Variants in CDC42BPG observed in about 807,000 individuals in gnomAD.
CDC42BPG encodes the protein CDC42 binding protein kinase gamma.
In CDC42BPG, 157 loss-of-function variants were observed where a neutral mutation model predicts 192.2. That is an observed-to-expected ratio of 0.82 (90% CI 0.72 to 0.93). The LOEUF is 0.93. Among genes scored for constraint, CDC42BPG ranks in the 40% least tolerant of loss-of-function variants. The pLI is 0.00. For missense variants in CDC42BPG, 1,992 were observed against 2,122.1 expected (o/e 0.94, Z 1.20); for synonymous variants, 981 against 918.5 (o/e 1.07, Z -1.23).
rs1943209052 is a variant in CDC42BPG, at chr11:64,840,063, TGGCAGGGGTTGGGCAGGGCAGCGGGGTTG to T, written c.581+28_581+56del. On this transcript the variant is annotated intron_variant, in intron 5 of 36. Coordinates refer to ENST00000342711, the MANE Select transcript of CDC42BPG (RefSeq NM_017525.3). ...TGACATCAGCTGTCCCCAGCACAGC[TGGCAGGGGTTGGGCAGGGCAGCGGGGTTG>T]GGCAGGGCAGCGGGGTTGGGGCCCC... The T allele has an allele frequency of 3.9e-6, 6 of 1,531,950 alleles. No homozygotes were observed. In the East Asian group the frequency reaches 1.2e-4, roughly 30 times the overall value. 94.9% of individuals were successfully genotyped at this position (1,531,950 alleles called of 1,614,324 possible).
In CDC42BPG at chr11:64,833,627, T is replaced by C. The variant is rs55709937; in HGVS notation, c.2598A>G (p.Thr866=). ...TAGCAGGAAGACCTTCTGTAGAGGC[T>C]GTGTTGGCAGTGGGTGCTCTGGGGA... ...AVFPRAPTAN[T]ASTEGLPAKP... Residue 866 remains threonine (T), a synonymous_variant, in exon 23 of 37, where the codon ACA becomes ACG. Transcript: ENST00000342711. 10,312 of 1,612,058 alleles carry C rather than the reference T, an allele frequency of 6.4e-3. 292 individuals carry two copies. Among genetic ancestry groups the C allele is most frequent in the South Asian group, 0.057 (5,131 of 90,726 alleles).
chr11:64,838,112 T>C lies in CDC42BPG; in HGVS notation c.1176A>G (p.Pro392=), dbSNP rs139529796. The change falls in exon 9 of 37, where the codon CCA becomes CCG. Residue 392 remains proline (P), a synonymous_variant. Coordinates refer to ENST00000342711, the MANE Select transcript of CDC42BPG (RefSeq NM_017525.3). ...SHGAFSGHHL[P]FVGFTYTSGS... ...CTGAGGTGTAGGTGAAGCCCACGAA[T>C]GGCAGGTGATGGCCGGAGAAGGCCC... 620 of 1,552,914 alleles carry C rather than the reference T, an allele frequency of 4.0e-4. No individual in the cohort carries two copies. The highest frequency in any genetic ancestry group is 5.2e-4 in the Non-Finnish European group (597 of 1,148,600).
chr11:64,843,757 CG>C (rs1017280499), intron 1 of CDC42BPG, among the ~76,000 whole-genome samples: 1 of 152,250 alleles, frequency 6.6e-6, no homozygotes, highest in Non-Finnish European at 1.5e-5. Context: ...CCCCCCTCCC[CG>C]GCCCCGGCGC....
Position 64,836,566 on chromosome 11 carries a change from C to T in CDC42BPG, c.1385-36G>A, listed in dbSNP as rs777961184. 4.8e-5 allele frequency: 75 copies of T among 1,572,502 alleles called. 1 individual carries two copies. In the Admixed American group the frequency reaches 1.1e-3, roughly 23 times the overall value. On this transcript the variant is annotated intron_variant, in intron 11 of 36. Transcript: ENST00000342711. ...GAGTCACTGAGACCTCGAGTGCTGG[C>T]GGCCCCAGCCTCTCAGCCCAGGAGC...
rs779660482 is a variant in CDC42BPG, at chr11:64,840,133, C to G, written c.568G>C (p.Gly190Arg). 1.2e-6 allele frequency: 2 copies of G among 1,612,386 alleles called. No homozygotes were observed. Among genetic ancestry groups the G allele is most frequent in the South Asian group, 2.2e-5 (2 of 91,006 alleles). The change falls in exon 5 of 37, where the codon GGT becomes CGT. Residue 190 changes from glycine to arginine, a missense_variant. Physicochemically the swap from Gly to Arg is moderately radical, Grantham distance 125. Around this residue, in one of 2 missense-constraint regions of CDC42BPG, gnomAD observed 1,656 missense variants for 1,844.3 expected, o/e 0.90. Coordinates refer to ENST00000342711, the MANE Select transcript of CDC42BPG (RefSeq NM_017525.3). ...VLAIHSLHQL[G>R]YVHRDVKPDN... ...TTGGGGCCCCACCTGTGGACATAACCCAGCTGGTGCAGCGAGTGGATGGCC... is the reference window on the plus strand; with the variant it reads ...TTGGGGCCCCACCTGTGGACATAACGCAGCTGGTGCAGCGAGTGGATGGCC...
rs992994849 is a variant in CDC42BPG at position 64,823,211 on chromosome 11, C to G, written c.*1262G>C. 6.6e-6 allele frequency among the ~76,000 whole-genome samples: 1 copy of G among 151,904 alleles called. No individual in the cohort carries two copies. Among genetic ancestry groups the G allele is most frequent in the Non-Finnish European group, 1.5e-5 (1 of 67,954 alleles). On this transcript the variant is annotated 3_prime_UTR_variant, in exon 37 of 37. Transcript: ENST00000342711. Reference sequence around the variant, plus strand: ...ACGCCATTCTCCTGCCTCAGCCTCCCGAGTAGCAGGGACTACAGGCACCCG... The same window carrying G: ...ACGCCATTCTCCTGCCTCAGCCTCCGGAGTAGCAGGGACTACAGGCACCCG...
rs553643753 is a variant in CDC42BPG at position 64,829,640 on chromosome 11, A to G, written c.3798T>C (p.Pro1266=). ...APLALGAGLV[P]EELPPSRGGL... is the part of the protein sequence containing the mutation. ...CCCCGCGGGATGGTGGCAGCTCCTC[A>G]GGCACCAAACCGGCCCCCAGCGCCA... The change falls in exon 30 of 37, where the codon CCT becomes CCC. Residue 1266 remains proline (P), a synonymous_variant. Coordinates refer to ENST00000342711, the MANE Select transcript of CDC42BPG (RefSeq NM_017525.3). 3 of 1,611,440 alleles carry G rather than the reference A, an allele frequency of 1.9e-6. No individual in the cohort carries two copies. The South Asian group carries it at 3.3e-5, about 18-fold the overall frequency.
At chr11:64,836,047 TC>T in intron 13 of CDC42BPG, 69 bp downstream of exon 13, 1 of 1,474,754 alleles carries the variant, frequency 6.8e-7, no homozygotes, top group Non-Finnish European at 9.1e-7. Flanking sequence ...CCCACCAAGC[TC>T]CCCATGCTCC....
chr11:64,835,190 C>A (rs1368686967), intron 16 of CDC42BPG, 37 bp from the exon 17 acceptor site: 16 of 1,602,412 alleles, frequency 1.0e-5, no homozygotes, highest in Non-Finnish European at 1.3e-5. Context: ...CCCCAGGCCC[C>A]AGCAGTCCTG....
In CDC42BPG at chr11:64,835,663, C is replaced by T. The variant is rs371906121; in HGVS notation, c.1759-42G>A. On this transcript the variant is annotated intron_variant, in intron 14 of 36. Coordinates refer to ENST00000342711, the MANE Select transcript of CDC42BPG (RefSeq NM_017525.3). Reference sequence around the variant, plus strand: ...GGGTCAGGGCAGAGACCCAAGATGCCATGGCCCACCCACCTGGGACACAGG... The same window carrying T: ...GGGTCAGGGCAGAGACCCAAGATGCTATGGCCCACCCACCTGGGACACAGG... The T allele has an allele frequency of 4.1e-4, 651 of 1,583,546 alleles. 6 individuals are homozygous for T. Among genetic ancestry groups the T allele is most frequent in the South Asian group, 3.5e-3 (302 of 86,494 alleles).
intron 5 of CDC42BPG, 134 bp from the exon 6 acceptor site, chr11:64,839,705 T>A: frequency 3.0e-6 from 2 of 674,782 alleles, no homozygotes; most frequent in Non-Finnish European, 5.1e-6. Context: ...GGTGCTCATG[T>A]GATGAGCAAC....
chr11:64,826,776 G>C lies in CDC42BPG; in HGVS notation c.4408C>G (p.Arg1470Gly). ...DKSPAPEEKGRVARGSGPQRP... is the reference protein window; with the variant it reads ...DKSPAPEEKGGVARGSGPQRP... ...TGTGGGCCGGAGCCGCGGGCAACTC[G>C]GCCCTTCTCTTCGGGAGCCTGTTGG... Residue 1470 changes from arginine (R) to glycine (G), a missense_variant, in exon 35 of 37, where the codon CGA becomes GGA. Around this residue, in one of 2 missense-constraint regions of CDC42BPG, gnomAD observed 336 missense variants for 277.9 expected, o/e 1.21. Transcript: ENST00000342711. The C allele has an allele frequency of 1.3e-6, 2 of 1,513,108 alleles. No homozygotes were observed. The highest frequency in any genetic ancestry group is 2.3e-5 in the Admixed American group (1 of 43,530). 93.7% of individuals were successfully genotyped at this position (1,513,108 alleles called of 1,614,324 possible).
chr11:64,838,132 A>T lies in CDC42BPG; in HGVS notation c.1156T>A (p.Phe386Ile). Reference sequence around the variant, plus strand: ...ACGAATGGCAGGTGATGGCCGGAGAAGGCCCCGTGGGAGGGCGGTGGCAGG... The same window carrying T: ...ACGAATGGCAGGTGATGGCCGGAGATGGCCCCGTGGGAGGGCGGTGGCAGG... ...GTLPPPSHGA[F>I]SGHHLPFVGF... The change falls in exon 9 of 37, where the codon TTC (phenylalanine) becomes ATC (isoleucine). Residue 386 changes from phenylalanine (F) to isoleucine (I), a missense_variant. Coordinates refer to ENST00000342711, the MANE Select transcript of CDC42BPG (RefSeq NM_017525.3). The T allele has an allele frequency of 6.4e-7, 1 of 1,553,900 alleles. No homozygotes were observed. Among genetic ancestry groups the T allele is most frequent in the Non-Finnish European group, 8.7e-7 (1 of 1,149,180 alleles).
chr11:64,834,833 C>A lies in CDC42BPG; in HGVS notation c.2175+16G>T. On this transcript the variant is annotated intron_variant, in intron 18 of 36. Transcript: ENST00000342711. ...ACTTGCCCAAGCCAGCCCCCAGGGG[C>A]ATCTCTGGGGCTCACCAGTGGCCGG... The A allele has an allele frequency of 6.2e-7, 1 of 1,604,504 alleles. No individual in the cohort carries two copies. Among genetic ancestry groups the A allele is most frequent in the Non-Finnish European group, 8.5e-7 (1 of 1,173,470 alleles).
At chr11:64,833,553 C>G (rs1463454342) in intron 23 of CDC42BPG, 47 bp downstream of exon 23, 1 of 1,545,482 alleles carries the variant, frequency 6.5e-7, no homozygotes, top group African/African-American at 1.4e-5. Context: ...TTCAGCCTGG[C>G]AGAACTGCTT....
intron 1 of CDC42BPG, among the ~76,000 whole-genome samples, chr11:64,844,057 CTG>C (rs1943396163): frequency 6.6e-6 from 1 of 152,128 alleles, no homozygotes; most frequent in South Asian, 2.1e-4. Context: ...GCATGAGGGT[CTG>C]TGTGTGTCCT....
Position 64,829,718 on chromosome 11 carries a change from C to G in CDC42BPG, c.3720G>C (p.Val1240=), listed in dbSNP as rs374197650. Residue 1240 remains valine (V), a synonymous_variant, in exon 30 of 37, where the codon GTG becomes GTC. Transcript: ENST00000342711. The stretch of plus-strand genomic sequence containing the variant: ...AGAGTGCAAAGCCACCGGCGGCGCC[C>G]ACACATAGCCGGTCGCCCAGCAGCC... ...SLGLLGDRLC[V]GAAGGFALYP... 4 of 1,609,950 alleles carry G rather than the reference C, an allele frequency of 2.5e-6. No individual in the cohort carries two copies. The highest frequency in any genetic ancestry group is 3.4e-6 in the Non-Finnish European group (4 of 1,178,856).
At chr11:64,833,092 G>T in intron 24 of CDC42BPG, 133 bp from the exon 25 acceptor site, 1 of 1,303,378 alleles carries the variant, frequency 7.7e-7, no homozygotes. Context: ...TCCTCATCAA[G>T]TGAGAAAAGG....
Position 64,835,197 on chromosome 11 carries a change from C to T in CDC42BPG, c.1954-44G>A, listed in dbSNP as rs1172521629. The T allele has an allele frequency of 1.9e-6, 3 of 1,602,100 alleles. No individual in the cohort carries two copies. In the African/African-American group the frequency reaches 4.0e-5, roughly 21 times the overall value. ...AAGGTCAGCCCCAGGCCCCAGCAGT[C>T]CTGGGACTGCCGTCTCCCTGTAGGT... On this transcript the variant is annotated intron_variant, in intron 16 of 36. Transcript: ENST00000342711.
Sources: gnomAD v4.1 joint callset for allele counts (sites outside exome capture counted in the v4.1 genomes callset) on GRCh38, gnomAD v4.1.1 for gene constraint, gnomAD v4.1.1 regional missense constraint, MANE v1.5 for transcripts, NCBI Gene and HGNC (gene_info 2026-07-23, HGNC 2026-07-21) for gene names.